The following FNDC3A variants were observed in gnomAD, a reference collection of about 807,000 sequenced individuals.
FNDC3A encodes fibronectin type III domain containing 3A, also known as fibronectin type-III domain-containing protein 3A.
Under a neutral mutation model 148.9 loss-of-function variants are expected in FNDC3A, and 32 were observed. That is an observed-to-expected ratio of 0.21 (90% CI 0.16 to 0.29). The LOEUF is 0.29. FNDC3A is among the 10% of genes least tolerant of loss of function. The pLI is 1.00. For synonymous variants in FNDC3A, 472 were observed against 473.6 expected (o/e 1.00, Z 0.04); for missense variants, 1,191 against 1,452.8 (o/e 0.82, Z 2.93).
intron 1 of FNDC3A, among the ~76,000 whole-genome samples, chr13:48,997,569 TAGA>T (rs1054318034): frequency 2.0e-5 from 3 of 152,092 alleles, no homozygotes; most frequent in East Asian, 1.9e-4. Context: ...TTAGTGTCCT[TAGA>T]AGAAGAAGAG....
chr13:49,088,029 G>A (rs780705804), intron 3 of FNDC3A, among the ~76,000 whole-genome samples: 6 of 151,972 alleles, frequency 3.9e-5, no homozygotes, highest in Non-Finnish European at 7.4e-5. Flanking sequence ...TTTTCTAAAG[G>A]CTTTGATTGG....
intron 7 of FNDC3A, among the ~76,000 whole-genome samples, chr13:49,144,026 CTACTACTAA>C (rs1346630956): frequency 1.3e-5 from 2 of 149,824 alleles, no homozygotes; most frequent in African/African-American, 2.5e-5. Flanking sequence ...ACTACTACTA[CTACTACTAA>C]TAATAATAAT....
At chr13:49,092,146 G>C (rs192574173) in intron 3 of FNDC3A, among the ~76,000 whole-genome samples, 1 of 152,356 alleles carries the variant, frequency 6.6e-6, no homozygotes, top group Admixed American at 6.5e-5. Flanking sequence ...CATTGGATCT[G>C]CTGGGTCATA....
At chr13:49,061,005 C>G (rs934255059) in intron 2 of FNDC3A, among the ~76,000 whole-genome samples, 1 of 151,994 alleles carries the variant, frequency 6.6e-6, no homozygotes, top group Non-Finnish European at 1.5e-5. Flanking sequence ...ATGAATTTCA[C>G]TTCAATAAAA....
chr13:48,997,854 A>C (rs1413962728), intron 1 of FNDC3A, among the ~76,000 whole-genome samples: 1 of 151,848 alleles, frequency 6.6e-6, no homozygotes, highest in African/African-American at 2.4e-5. Context: ...GTAGCTTTGG[A>C]ACTGTGTAAT....
intron 14 of FNDC3A, among the ~76,000 whole-genome samples, chr13:49,178,993 C>G (rs551369805): frequency 3.3e-5 from 5 of 152,278 alleles, no homozygotes; most frequent in African/African-American, 9.6e-5. Flanking sequence ...TCCCAGAGTT[C>G]TGGGATTACA....
At position 49,201,782 on chromosome 13, in the gene FNDC3A, T is replaced by C. The variant is rs923152247; in HGVS notation, c.2988-18T>C. The C allele has an allele frequency of 3.8e-6, 5 of 1,332,872 alleles. No individual in the cohort carries two copies. Among genetic ancestry groups the C allele is most frequent in the Non-Finnish European group, 5.1e-6 (5 of 989,438 alleles). 82.6% of individuals were successfully genotyped at this position (1,332,872 alleles called of 1,614,324 possible). A position where few individuals can be genotyped will look rare whatever the true frequency, so the allele number is the denominator to read the frequency against. On this transcript the variant is annotated intron_variant, in intron 23 of 25. Coordinates refer to ENST00000492622, the MANE Select transcript of FNDC3A (RefSeq NM_001079673.2). Reference sequence around the variant, plus strand: ...ATAAGGTAGTATAAGGTTTATCTAATAGTTATTTCCATTTTAGGTTTGTAT... The same window carrying C: ...ATAAGGTAGTATAAGGTTTATCTAACAGTTATTTCCATTTTAGGTTTGTAT...
At chr13:49,094,555 A>T (rs1465352482) in intron 3 of FNDC3A, among the ~76,000 whole-genome samples, 1 of 152,092 alleles carries the variant, frequency 6.6e-6, no homozygotes, top group East Asian at 1.9e-4. Flanking sequence ...ATAATTCTTA[A>T]CCTAATATTT....
intron 4 of FNDC3A, among the ~76,000 whole-genome samples, chr13:49,114,951 TCA>T (rs746850255): frequency 9.2e-5 from 14 of 152,164 alleles, no homozygotes; most frequent in Non-Finnish European, 1.8e-4. Flanking sequence ...GGGTGTTAAG[TCA>T]CAAAAGAAAA....
chr13:49,196,080 C>CAAAA (rs71076070), intron 19 of FNDC3A, among the ~76,000 whole-genome samples: 181 of 70,952 alleles, frequency 2.6e-3, no homozygotes, highest in East Asian at 7.8e-3. Flanking sequence ...GACCTTGTCT[C>CAAAA]AAAAAAAAAA....
rs543650000 is a variant in FNDC3A at position 49,032,594 on chromosome 13, G to T, written c.99+26305G>T. On this transcript the variant is annotated intron_variant, in intron 2 of 25. Coordinates refer to ENST00000492622, the MANE Select transcript of FNDC3A (RefSeq NM_001079673.2). ...TACTAAAAATACAAAAAATTAGCCG[G>T]GTGTGGTGGAGGGCGCCTGTGGTCC... Among the ~76,000 whole-genome samples the T allele has an allele frequency of 3.3e-5, 5 of 152,242 alleles. No homozygotes were observed. In the South Asian group the frequency reaches 1.0e-3, roughly 32 times the overall value.
At chr13:49,066,732 AT>A (rs1292163094) in intron 2 of FNDC3A, among the ~76,000 whole-genome samples, 12 of 151,716 alleles carry the variant, frequency 7.9e-5, no homozygotes, top group Non-Finnish European at 2.9e-5. Context: ...TCTGGGATAC[AT>A]GTGCAGAACA....
At chr13:49,138,622 A>C in intron 6 of FNDC3A, 125 bp from the exon 7 acceptor site, 1 of 541,868 alleles carries the variant, frequency 1.8e-6, no homozygotes, top group East Asian at 3.0e-5. Context: ...GTATGAACAA[A>C]GGAATAAAAA....
chr13:48,997,411 C>G (rs1267193347), intron 1 of FNDC3A, among the ~76,000 whole-genome samples: 1 of 152,148 alleles, frequency 6.6e-6, no homozygotes, highest in Non-Finnish European at 1.5e-5. Flanking sequence ...TGAGAAAGCA[C>G]CTGATAGTGT....
At chr13:49,189,328 GC>G (rs1040026229) in intron 17 of FNDC3A, among the ~76,000 whole-genome samples, 1 of 151,632 alleles carries the variant, frequency 6.6e-6, no homozygotes, top group Non-Finnish European at 1.5e-5. Context: ...GACTACAGGC[GC>G]CCCCCACCAC....
intron 8 of FNDC3A, among the ~76,000 whole-genome samples, chr13:49,151,723 C>G (rs1429811719): frequency 6.6e-6 from 1 of 152,104 alleles, no homozygotes; most frequent in African/African-American, 2.4e-5. Context: ...CATCCCTCCC[C>G]CATCCCCCCA....
chr13:48,982,493 C>A (rs1351306985), intron 1 of FNDC3A, among the ~76,000 whole-genome samples: 1 of 152,118 alleles, frequency 6.6e-6, no homozygotes, highest in Non-Finnish European at 1.5e-5. Flanking sequence ...ATCACTTGAA[C>A]CTTACTAAAA....
At chr13:49,194,717 A>G (rs1886064326) in intron 19 of FNDC3A, among the ~76,000 whole-genome samples, 2 of 152,186 alleles carry the variant, frequency 1.3e-5, no homozygotes, top group African/African-American at 4.8e-5. Flanking sequence ...GATTTGTGAA[A>G]TAGCCCAGCA....
intron 1 of FNDC3A, among the ~76,000 whole-genome samples, chr13:48,985,655 C>G (rs1363235690): frequency 2.0e-5 from 3 of 151,982 alleles, no homozygotes; most frequent in African/African-American, 7.3e-5. Context: ...TTCATACACA[C>G]ACAAAAAAAA....
Sources: gnomAD v4.1 joint callset for allele counts (sites outside exome capture counted in the v4.1 genomes callset) on GRCh38, gnomAD v4.1.1 for gene constraint, MANE v1.5 for transcripts, NCBI Gene and HGNC (gene_info 2026-07-23, HGNC 2026-07-21) for gene names.